Variants in SGCZ observed in about 807,000 individuals in gnomAD.
The protein encoded by SGCZ is sarcoglycan zeta.
Under a neutral mutation model 41.3 loss-of-function variants are expected in SGCZ, and 40 were observed. The ratio of observed to expected loss-of-function variants is 0.97; its 90% CI spans 0.75 to 1.26. The LOEUF (loss-of-function observed/expected upper bound fraction) is 1.26. Among genes scored for constraint, SGCZ ranks in the 50% most tolerant of loss-of-function variants. SGCZ has a pLI of 0.00. For missense variants in SGCZ, 552 were observed against 369.8 expected (o/e 1.49, Z -4.04); for synonymous variants, 206 against 137.5 (o/e 1.50, Z -3.49).
intron 1 of SGCZ, among the ~76,000 whole-genome samples, chr8:14,979,129 A>G (rs146048380): frequency 2.0e-5 from 3 of 152,222 alleles, no homozygotes; most frequent in Admixed American, 1.3e-4. Context: ...GAGGCAAGGC[A>G]TATATGAAAA....
At chr8:15,078,593 T>C (rs1457022393) in intron 1 of SGCZ, among the ~76,000 whole-genome samples, 1 of 152,102 alleles carries the variant, frequency 6.6e-6, no homozygotes, top group Non-Finnish European at 1.5e-5. Flanking sequence ...TTTTGTTTAA[T>C]AGGATGTTTG....
rs1802187643 is a variant in SGCZ at position 15,237,734 on chromosome 8, G to A, written c.-111C>T. On this transcript the variant is annotated 5_prime_UTR_variant, in exon 1 of 8. Coordinates refer to ENST00000382080, the MANE Select transcript of SGCZ (RefSeq NM_139167.4). ...CTTTATCCTCCTCCAAGCCCCGGCA[G>A]CTCCTCTCAGTCTCATTCTCCGTGG... The A allele has an allele frequency of 8.7e-7, 1 of 1,143,330 alleles. No individual in the cohort carries two copies. Among genetic ancestry groups the A allele is most frequent in the Admixed American group, 2.0e-5 (1 of 49,834 alleles). 70.8% of individuals were successfully genotyped at this position (1,143,330 alleles called of 1,614,324 possible).
At chr8:14,188,817 TTTC>T (rs1206680584) in intron 4 of SGCZ, among the ~76,000 whole-genome samples, 6,696 of 30,554 alleles carry the variant, frequency 0.22, 185 homozygotes, top group African/African-American at 0.37. Flanking sequence ...TGTTTGTTTG[TTTC>T]TTTGTTTTTT....
chr8:14,596,876 A>G (rs2117300936), intron 1 of SGCZ, among the ~76,000 whole-genome samples: 1 of 152,294 alleles, frequency 6.6e-6, no homozygotes, highest in African/African-American at 2.4e-5. Flanking sequence ...TAAGAAAAGA[A>G]TATATTCCAT....
intron 1 of SGCZ, among the ~76,000 whole-genome samples, chr8:15,211,322 G>A (rs1801232162): frequency 6.6e-6 from 1 of 151,332 alleles, no homozygotes; most frequent in African/African-American, 2.4e-5. Context: ...TCTAGGGTAG[G>A]CTTCAATTCA....
At chr8:14,302,032 AC>A (rs1336735511) in intron 3 of SGCZ, among the ~76,000 whole-genome samples, 1 of 152,194 alleles carries the variant, frequency 6.6e-6, no homozygotes, top group Non-Finnish European at 1.5e-5. Flanking sequence ...TACAAAGAAT[AC>A]TTTTTCACAC....
intron 1 of SGCZ, among the ~76,000 whole-genome samples, chr8:14,930,170 G>T (rs978067726): frequency 3.9e-5 from 6 of 152,036 alleles, no homozygotes; most frequent in Non-Finnish European, 7.3e-5. Context: ...ATCAAAAAGT[G>T]GGCGAAGGAT....
At chr8:14,220,626 AT>A (rs1300162144) in intron 4 of SGCZ, among the ~76,000 whole-genome samples, 4 of 152,140 alleles carry the variant, frequency 2.6e-5, no homozygotes, top group African/African-American at 9.7e-5. Context: ...CTAAAAAAAA[AT>A]AATACAAAAA....
intron 3 of SGCZ, among the ~76,000 whole-genome samples, chr8:14,320,493 G>T (rs1173266761): frequency 1.3e-5 from 2 of 151,096 alleles, no homozygotes; most frequent in Non-Finnish European, 3.0e-5. Flanking sequence ...AAGTTCTAGG[G>T]TACAGGTGCA....
chr8:14,560,659 G>A (rs1299149182), intron 1 of SGCZ, among the ~76,000 whole-genome samples: 2 of 151,966 alleles, frequency 1.3e-5, no homozygotes, highest in African/African-American at 2.4e-5. Context: ...CAATATGAAG[G>A]TGAAATTACT....
At chr8:14,205,088 C>A (rs1160078361) in intron 4 of SGCZ, among the ~76,000 whole-genome samples, 1 of 152,108 alleles carries the variant, frequency 6.6e-6, no homozygotes, top group Non-Finnish European at 1.5e-5. Context: ...TCTGGAGAAC[C>A]CTTTAATTAA....
Position 14,237,636 on chromosome 8 carries a change from T to TAG in SGCZ, c.379_380insCT (p.Asn127ThrfsTer10). The TAG allele has an allele frequency of 6.2e-7, 1 of 1,613,966 alleles. No individual in the cohort carries two copies. Among genetic ancestry groups the TAG allele is most frequent in the Non-Finnish European group, 8.5e-7 (1 of 1,179,864 alleles). ...TAACTGCCCCATGTGATTTCTTGCA[T>TAG]TCACTGTGACATTCCTGTCAGACTG... is the stretch of plus-strand genomic sequence containing the variant. On this transcript the variant is annotated frameshift_variant, in exon 4 of 8. Transcript: ENST00000382080. LOFTEE classifies it high-confidence loss of function.
intron 2 of SGCZ, among the ~76,000 whole-genome samples, chr8:14,537,983 C>T (rs1803348429): frequency 6.6e-6 from 1 of 151,898 alleles, no homozygotes; most frequent in Non-Finnish European, 1.5e-5. Flanking sequence ...CTGAGTCATA[C>T]ATCTGATTGC....
chr8:14,962,688 A>C (rs905668626), intron 1 of SGCZ, among the ~76,000 whole-genome samples: 1 of 152,302 alleles, frequency 6.6e-6, no homozygotes, highest in African/African-American at 2.4e-5. Flanking sequence ...TGCTAAATCA[A>C]TTGGATGTGA....
At chr8:14,421,736 C>A (rs1339015542) in intron 2 of SGCZ, among the ~76,000 whole-genome samples, 1 of 152,086 alleles carries the variant, frequency 6.6e-6, no homozygotes, top group Non-Finnish European at 1.5e-5. Context: ...CAAGCGCTAT[C>A]TTGTCTATCT....
chr8:14,092,638 A>G (rs1801723006), intron 7 of SGCZ, among the ~76,000 whole-genome samples: 1 of 151,854 alleles, frequency 6.6e-6, no homozygotes, highest in Non-Finnish European at 1.5e-5. Flanking sequence ...GTCTGACAAG[A>G]TCTGATGGTT....
At chr8:14,714,592 A>G (rs914593831) in intron 1 of SGCZ, among the ~76,000 whole-genome samples, 1 of 152,200 alleles carries the variant, frequency 6.6e-6, no homozygotes, top group African/African-American at 2.4e-5. Context: ...TCAAGTTTTC[A>G]TGGCACACTT....
intron 1 of SGCZ, chr8:14,690,661 G>GC (rs1808770758): frequency 6.6e-6 from 1 of 152,084 alleles, no homozygotes; most frequent in Non-Finnish European, 1.5e-5. Context: ...GCAATGCCTA[G>GC]TTTTTTCTAA....
intron 1 of SGCZ, among the ~76,000 whole-genome samples, chr8:14,607,021 A>G (rs1423579457): frequency 3.3e-5 from 5 of 152,152 alleles, no homozygotes; most frequent in Admixed American, 6.6e-5. Flanking sequence ...CAGGCAGCAT[A>G]CTGAAATGAG....
Sources: gnomAD v4.1 joint callset for allele counts (sites outside exome capture counted in the v4.1 genomes callset) on GRCh38, gnomAD v4.1.1 for gene constraint, MANE v1.5 for transcripts, NCBI Gene and HGNC (gene_info 2026-07-23, HGNC 2026-07-21) for gene names.